The following TTC34 variants were observed in gnomAD, a reference collection of about 807,000 sequenced individuals.
TTC34 encodes tetratricopeptide repeat domain 34.
TTC34 carries 44 observed loss-of-function variants against 40.7 expected under a neutral mutation model. The observed-to-expected ratio is 1.08, with a 90% CI of 0.85 to 1.39. The LOEUF (loss-of-function observed/expected upper bound fraction) is 1.39, where lower values mean the gene tolerates loss of function less well. TTC34 is among the 40% of genes most tolerant of loss of function. The pLI is 0.00. For synonymous variants in TTC34, 422 were observed against 398.6 expected (o/e 1.06, Z -0.70); for missense variants, 884 against 838.0 (o/e 1.05, Z -0.68).
At position 2,657,365 on chromosome 1, in the gene TTC34, G is replaced by C. The variant is rs531086407; in HGVS notation, c.2227-11802C>G. ...GCCCAAGGTGAGCATCTGACAACTT[G>C]GAGCAGCACCCACACCCCGAGGTGA... On this transcript the variant is annotated intron_variant, in intron 6 of 8. Transcript: ENST00000401095. Among the ~76,000 whole-genome samples, 33 of 95,768 alleles carry C rather than the reference G, an allele frequency of 3.4e-4. No individual in the cohort carries two copies. In the South Asian group the frequency reaches 9.0e-3, roughly 26 times the overall value. The allele number at this position is 95,768 out of a possible 152,430, so 62.8% of individuals were successfully genotyped here.
chr1:2,768,010 G>A (rs1001759006), intron 6 of TTC34, among the ~76,000 whole-genome samples: 1 of 151,306 alleles, frequency 6.6e-6, no homozygotes, highest in African/African-American at 2.4e-5. Context: ...GTCCCCTCAG[G>A]TGAGCATCTG....
intron 6 of TTC34, among the ~76,000 whole-genome samples, chr1:2,655,208 C>A: frequency 7.4e-6 from 1 of 135,730 alleles, no homozygotes; most frequent in African/African-American, 2.8e-5. Flanking sequence ...GGAACAGCAC[C>A]CACACCCCCA....
At chr1:2,692,650 GAGCAGCACCCCACACCCACAGGTGA>G (rs1640679178) in intron 6 of TTC34, among the ~76,000 whole-genome samples, 1 of 141,046 alleles carries the variant, frequency 7.1e-6, no homozygotes, top group Non-Finnish European at 1.5e-5. Context: ...TGACATCGTG[GAGCAGCACCCCACACCCACAGGTGA>G]GCTTCTGACA....
chr1:2,784,980 C>CACTCTGGGCCGCTCTGGGCT (rs1348331868), intron 5 of TTC34, among the ~76,000 whole-genome samples: 3 of 27,202 alleles, frequency 1.1e-4, no homozygotes, highest in East Asian at 1.3e-3. Flanking sequence ...CACTCTGGGC[C>CACTCTGGGCCGCTCTGGGCT]GCTCTGGGCT....
intron 6 of TTC34, among the ~76,000 whole-genome samples, chr1:2,757,930 A>T (rs1443472472): frequency 7.4e-6 from 1 of 134,798 alleles, no homozygotes; most frequent in East Asian, 2.2e-4. Flanking sequence ...AGAGCATCTG[A>T]CAGCCTGGAA....
At chr1:2,642,134 C>A (rs930006075) in intron 8 of TTC34, among the ~76,000 whole-genome samples, 2 of 152,194 alleles carry the variant, frequency 1.3e-5, no homozygotes, top group Admixed American at 6.5e-5. Context: ...TGCCCTGGAA[C>A]CTGCCAAAGT....
At chr1:2,658,514 TCATCTGACAGCCTGGAAC>T (rs1639433946) in intron 6 of TTC34, among the ~76,000 whole-genome samples, 1 of 17,658 alleles carries the variant, frequency 5.7e-5, no homozygotes, top group African/African-American at 1.4e-4. Context: ...ACCCAGGTGA[TCATCTGACAGCCTGGAAC>T]AGCACGCTGC....
intron 6 of TTC34, among the ~76,000 whole-genome samples, chr1:2,688,768 A>T (rs1263590940): frequency 9.2e-6 from 1 of 108,624 alleles, no homozygotes; most frequent in Non-Finnish European, 1.7e-5. Flanking sequence ...AACAGCACCC[A>T]CATCCCCAGG....
At chr1:2,785,737 A>G in intron 5 of TTC34, 82 bp downstream of exon 5, 1 of 1,440,652 alleles carries the variant, frequency 6.9e-7, no homozygotes, top group Non-Finnish European at 9.3e-7. Context: ...GCGTGTCCCC[A>G]CCAACCAGCA....
intron 6 of TTC34, among the ~76,000 whole-genome samples, chr1:2,754,844 G>C (rs1641452299): frequency 1.4e-5 from 2 of 143,822 alleles, no homozygotes; most frequent in African/African-American, 2.8e-5. Flanking sequence ...TGACAGACTG[G>C]AACAGCACCC....
intron 6 of TTC34, among the ~76,000 whole-genome samples, chr1:2,686,820 ACAGC>A (rs1388255634): frequency 8.1e-5 from 11 of 135,144 alleles, no homozygotes; most frequent in South Asian, 2.5e-4. Flanking sequence ...CGAGCATCTG[ACAGC>A]CTGGAGCAGC....
chr1:2,697,609 C>CA (rs1640927043), intron 6 of TTC34, among the ~76,000 whole-genome samples: 4 of 91,620 alleles, frequency 4.4e-5, no homozygotes, highest in African/African-American at 1.5e-4. Flanking sequence ...CCCACAACCC[C>CA]AGGTGAGCAT....
rs1275773117 is a variant in TTC34, at chr1:2,695,721, G to C, written c.2227-50158C>G. Among the ~76,000 whole-genome samples the C allele has an allele frequency of 1.3e-5, 2 of 149,554 alleles. 1 individual carries two copies. The highest frequency in any genetic ancestry group is 3.0e-5 in the Non-Finnish European group (2 of 67,078). ...GCCTGGAACAGCACCCACACCCCCA[G>C]GTGAGCAGCTGAAATCCTGGAACAG... On this transcript the variant is annotated intron_variant, in intron 6 of 8. Transcript: ENST00000401095.
At chr1:2,700,307 C>A (rs1169360865) in intron 6 of TTC34, among the ~76,000 whole-genome samples, 1 of 107,756 alleles carries the variant, frequency 9.3e-6, no homozygotes, top group Admixed American at 1.0e-4. Flanking sequence ...AGGTGAGCAT[C>A]CGACAGTCTG....
At chr1:2,686,891 T>A (rs1570815924) in intron 6 of TTC34, among the ~76,000 whole-genome samples, 2 of 121,676 alleles carry the variant, frequency 1.6e-5, no homozygotes, top group Non-Finnish European at 3.3e-5. Flanking sequence ...CACCCCCTGA[T>A]GAGCATCTGA....
At chr1:2,767,906 C>G (rs1179381423) in intron 6 of TTC34, among the ~76,000 whole-genome samples, 2 of 144,310 alleles carry the variant, frequency 1.4e-5, no homozygotes, top group Non-Finnish European at 3.1e-5. Flanking sequence ...GAGCATCTGA[C>G]AACCAGAACC....
intron 6 of TTC34, among the ~76,000 whole-genome samples, chr1:2,692,010 T>G (rs770008347): frequency 0.014 from 95 of 6,740 alleles, no homozygotes; most frequent in African/African-American, 0.018. Flanking sequence ...TGACAGCATG[T>G]ATCAGCACCC....
intron 6 of TTC34, among the ~76,000 whole-genome samples, chr1:2,777,885 G>A (rs573777230): frequency 1.3e-5 from 2 of 152,218 alleles, no homozygotes; most frequent in Non-Finnish European, 2.9e-5. Context: ...CCTTGGAGGA[G>A]GTTCCGGCAC....
At chr1:2,780,456 T>C (rs1248141636) in intron 6 of TTC34, among the ~76,000 whole-genome samples, 1 of 152,216 alleles carries the variant, frequency 6.6e-6, no homozygotes, top group Non-Finnish European at 1.5e-5. Flanking sequence ...TTTTTGTATG[T>C]AGTGTTAGGA....
Sources: gnomAD v4.1 joint callset for allele counts (sites outside exome capture counted in the v4.1 genomes callset) on GRCh38, gnomAD v4.1.1 for gene constraint, MANE v1.5 for transcripts, NCBI Gene and HGNC (gene_info 2026-07-23, HGNC 2026-07-21) for gene names.